Variants in AXIN2 observed in about 807,000 individuals in gnomAD.
The protein encoded by AXIN2 is axin-2.
In AXIN2, 21 loss-of-function variants were observed where a neutral mutation model predicts 74.7. The observed-to-expected ratio is 0.28, with a 90% confidence interval of 0.20 to 0.40. AXIN2 has a LOEUF of 0.40. AXIN2 is among the 10% of genes least tolerant of loss of function. The pLI is 1.00. For missense variants in AXIN2, 1,144 were observed against 1,111.1 expected (o/e 1.03, Z -0.42); for synonymous variants, 532 against 454.9 (o/e 1.17, Z -2.16).
chr17:65,551,044 T>A (rs977760505), intron 2 of AXIN2, among the ~76,000 whole-genome samples: 1 of 152,136 alleles, frequency 6.6e-6, no homozygotes, highest in Admixed American at 6.5e-5. Context: ...TGGCTCTCAA[T>A]CAAACTGCCT....
Position 65,558,718 on chromosome 17 carries a change from G to A in AXIN2, c.-98C>T, listed in dbSNP as rs1381279274. 1.6e-6 allele frequency: 2 copies of A among 1,246,916 alleles called. No homozygotes were observed. Among genetic ancestry groups the A allele is most frequent in the Admixed American group, 2.0e-5 (1 of 50,836 alleles). 77.2% of individuals were successfully genotyped at this position (1,246,916 alleles called of 1,614,324 possible). On this transcript the variant is annotated 5_prime_UTR_variant, in exon 2 of 11. Coordinates refer to ENST00000307078, the MANE Select transcript of AXIN2 (RefSeq NM_004655.4). ...CTCTGTCTCTCTCAAGTCAGCAGGG[G>A]CTCATCTGAACCTCCTCTCTGGAAA...
At position 65,536,563 on chromosome 17, in the gene AXIN2, G is replaced by C. The variant is rs1268100291; in HGVS notation, c.1908-10C>G. On this transcript the variant is annotated splice_polypyrimidine_tract_variant and intron_variant, in intron 7 of 10. Coordinates refer to ENST00000307078, the MANE Select transcript of AXIN2 (RefSeq NM_004655.4). The stretch of plus-strand genomic sequence containing the variant: ...TTTTGTGCTTTGGGCACTAAACAAG[G>C]AATGAGCAGAGAGAAAACAGAAGGA... 5 of 1,613,218 alleles carry C rather than the reference G, an allele frequency of 3.1e-6. No individual in the cohort carries two copies. In the Admixed American group the frequency reaches 6.7e-5, roughly 22 times the overall value.
intron 3 of AXIN2, among the ~76,000 whole-genome samples, chr17:65,546,616 A>G (rs956661316): frequency 6.6e-6 from 1 of 152,190 alleles, no homozygotes; most frequent in Non-Finnish European, 1.5e-5. Context: ...CCCAAGAGAC[A>G]GTGACCCCAC....
chr17:65,535,474 C>T, intron 9 of AXIN2, 152 bp downstream of exon 9: 1 of 768,970 alleles, frequency 1.3e-6, no homozygotes, highest in Admixed American at 2.0e-5. Flanking sequence ...TGGATGGCAA[C>T]ATCTACGTTT....
chr17:65,534,286 T>C (rs972688215), intron 9 of AXIN2, among the ~76,000 whole-genome samples: 1 of 152,250 alleles, frequency 6.6e-6, no homozygotes, highest in Admixed American at 6.5e-5. Flanking sequence ...CCACATGTGC[T>C]GCATGCAGCA....
intron 10 of AXIN2, among the ~76,000 whole-genome samples, chr17:65,531,390 C>G (rs2043813068): frequency 6.6e-6 from 1 of 151,618 alleles, no homozygotes; most frequent in Non-Finnish European, 1.5e-5. Flanking sequence ...CTAGGCAGCA[C>G]TGAAGACACG....
At chr17:65,539,230 C>T (rs1233942259) in intron 4 of AXIN2, among the ~76,000 whole-genome samples, 2 of 151,196 alleles carry the variant, frequency 1.3e-5, no homozygotes, top group Admixed American at 1.3e-4. Context: ...TTCCTAATCT[C>T]CCTCTTGCTT....
intron 2 of AXIN2, among the ~76,000 whole-genome samples, chr17:65,554,126 C>T (rs1228812981): frequency 1.3e-5 from 2 of 152,158 alleles, no homozygotes; most frequent in Non-Finnish European, 2.9e-5. Flanking sequence ...GTTCTTATCT[C>T]CTCTTAATGA....
At position 65,537,467 on chromosome 17, in the gene AXIN2, G is replaced by T; in HGVS notation, c.1569C>A (p.Ala523=). Residue 523 remains alanine (A), a synonymous_variant, in exon 6 of 11, where the codon GCC becomes GCA. Transcript: ENST00000307078. Reference sequence around the variant, plus strand: ...CGATCTCCTCCTTGGTCTTGGGGACGGCATGGTGGTGGATGTAGTGGTGGT... The same window carrying T: ...CGATCTCCTCCTTGGTCTTGGGGACTGCATGGTGGTGGATGTAGTGGTGGT... ...HVHHHYIHHH[A]VPKTKEEIEA... 1 of 1,613,908 alleles carries T rather than the reference G, an allele frequency of 6.2e-7. No homozygotes were observed.
chr17:65,529,461 C>A lies in AXIN2; in HGVS notation c.*515G>T, dbSNP rs1032100924. On this transcript the variant is annotated 3_prime_UTR_variant, in exon 11 of 11. Transcript: ENST00000307078. ...GAGGGACGTAGTGCAAAGCATAATT[C>A]CTCTGTTAGTGAAGAAACCATGAAC... 2.2e-5 allele frequency: 6 copies of A among 274,624 alleles called. No homozygotes were observed. The highest frequency in any genetic ancestry group is 4.7e-5 in the Admixed American group (1 of 21,248). The allele number at this position is 274,624 out of a possible 1,614,324, so 17.0% of individuals were successfully genotyped here. A position where few individuals can be genotyped will look rare whatever the true frequency, so the allele number is the denominator to read the frequency against.
chr17:65,540,900 G>A (rs1421069987), intron 4 of AXIN2, among the ~76,000 whole-genome samples: 1 of 151,980 alleles, frequency 6.6e-6, no homozygotes, highest in Non-Finnish European at 1.5e-5. Flanking sequence ...TTTTTCTTTT[G>A]AGAAGGAGTC....
intron 1 of AXIN2, chr17:65,560,441 A>G (rs1266821063): frequency 7.6e-6 from 1 of 131,224 alleles, no homozygotes; most frequent in Non-Finnish European, 1.7e-5. Flanking sequence ...GGGGAGGGCA[A>G]GCGGGGGGCG....
At chr17:65,540,279 T>G (rs1321942654) in intron 4 of AXIN2, among the ~76,000 whole-genome samples, 4 of 152,238 alleles carry the variant, frequency 2.6e-5, no homozygotes, top group African/African-American at 9.6e-5. Context: ...TCCTTATTCA[T>G]TCACTCAAAT....
intron 5 of AXIN2, 121 bp downstream of exon 5, chr17:65,538,076 AGCCCAC>A: frequency 1.3e-6 from 2 of 1,531,090 alleles, no homozygotes; most frequent in East Asian, 2.4e-5. Flanking sequence ...ACCCACACGC[AGCCCAC>A]GCGCATGCGC....
In AXIN2 at chr17:65,537,591, G is replaced by A. The variant is rs758495825; in HGVS notation, c.1445C>T (p.Pro482Leu). The part of the protein sequence containing the change: ...HHHSQYHSLL[P>L]PGGKLPPAAA... ...CGCGGGAGGCAGCTTGCCACCGGGC[G>A]GGAGCAGGGAGTGGTACTGCGAATG... is the stretch of plus-strand genomic sequence containing the variant. The change falls in exon 6 of 11, where the codon CCG becomes CTG. Residue 482 changes from proline to leucine, a missense_variant. Transcript: ENST00000307078. 15 of 1,605,256 alleles carry A rather than the reference G, an allele frequency of 9.3e-6. No individual in the cohort carries two copies. Among genetic ancestry groups the A allele is most frequent in the Middle Eastern group, 1.7e-4 (1 of 5,910 alleles).
chr17:65,536,728 A>C (rs1319761384), intron 7 of AXIN2, 141 bp downstream of exon 7: 16 of 1,432,300 alleles, frequency 1.1e-5, no homozygotes, highest in Admixed American at 3.4e-5. Flanking sequence ...TGGTCTGCTC[A>C]GTCCAACGTT....
chr17:65,558,731 T>G lies in AXIN2; in HGVS notation c.-111A>C, dbSNP rs2044315918. On this transcript the variant is annotated 5_prime_UTR_variant, in exon 2 of 11. Coordinates refer to ENST00000307078, the MANE Select transcript of AXIN2 (RefSeq NM_004655.4). ...AAGTCAGCAGGGGCTCATCTGAACC[T>G]CCTCTCTGGAAAGAAAAGGAAGGGG... The G allele has an allele frequency of 4.5e-6, 5 of 1,120,446 alleles. No homozygotes were observed. Among genetic ancestry groups the G allele is most frequent in the Non-Finnish European group, 6.5e-6 (5 of 769,970 alleles). 69.4% of individuals were successfully genotyped at this position (1,120,446 alleles called of 1,614,324 possible).
intron 2 of AXIN2, among the ~76,000 whole-genome samples, chr17:65,552,438 A>AT (rs2044207083): frequency 6.6e-6 from 1 of 152,234 alleles, no homozygotes; most frequent in Non-Finnish European, 1.5e-5. Flanking sequence ...CAGGATGCAC[A>AT]CGATGACTTC....
Position 65,537,481 on chromosome 17 carries a change from T to TGTA in AXIN2, c.1552_1554dup (p.Tyr518dup), listed in dbSNP as rs2043949650. ...GTCTTGGGGACGGCATGGTGGTGGATGTAGTGGTGGTGGACATGCTTCGTC... is the reference window on the plus strand; with the variant it reads ...GTCTTGGGGACGGCATGGTGGTGGATGTAGTAGTGGTGGTGGACATGCTTCGTC... On this transcript the variant is annotated inframe_insertion, in exon 6 of 11. Coordinates refer to ENST00000307078, the MANE Select transcript of AXIN2 (RefSeq NM_004655.4). 6.2e-7 allele frequency: 1 copy of TGTA among 1,613,364 alleles called. No homozygotes were observed. The highest frequency in any genetic ancestry group is 8.5e-7 in the Non-Finnish European group (1 of 1,179,894).
Sources: allele counts gnomAD v4.1 joint callset (sites outside exome capture counted in the v4.1 genomes callset), GRCh38; gene constraint gnomAD v4.1.1; transcripts MANE v1.5; gene names NCBI Gene and HGNC (gene_info 2026-07-23, HGNC 2026-07-21).